The following NUP58 variants were observed in gnomAD, a reference collection of about 807,000 sequenced individuals.
NUP58 encodes the protein nucleoporin 58.
Under a neutral mutation model 70.1 loss-of-function variants are expected in NUP58, and 17 were observed. That is an observed-to-expected ratio of 0.24 (90% CI 0.17 to 0.36). The LOEUF is 0.36. Ranked by LOEUF, NUP58 falls within the 10% of genes least tolerant of loss-of-function variation. The pLI, the probability that NUP58 is intolerant of heterozygous loss-of-function variation, is 1.00. For synonymous variants in NUP58, 275 were observed against 257.6 expected (o/e 1.07, Z -0.65); for missense variants, 644 against 701.5 (o/e 0.92, Z 0.93).
At chr13:25,323,380 A>T (rs1165830089) in intron 9 of NUP58, among the ~76,000 whole-genome samples, 3 of 100,336 alleles carry the variant, frequency 3.0e-5, no homozygotes, top group Admixed American at 1.3e-4. Context: ...AAATTAAATT[A>T]AAAAAAAAAA....
At chr13:25,308,634 G>GT (rs1360015069) in intron 2 of NUP58, among the ~76,000 whole-genome samples, 5 of 152,096 alleles carry the variant, frequency 3.3e-5, no homozygotes, top group Non-Finnish European at 7.4e-5. Context: ...CCTAAGAGAT[G>GT]TTTTACATTT....
At chr13:25,343,198 A>G (rs2031999229), downstream of NUP58, among the ~76,000 whole-genome samples, 2 of 151,848 alleles carry the variant, frequency 1.3e-5, no homozygotes, top group Admixed American at 6.6e-5. Flanking sequence ...TTAAGTTCCC[A>G]TAGTCCATTG....
downstream of NUP58, among the ~76,000 whole-genome samples, chr13:25,346,453 C>T (rs190125096): frequency 5.8e-3 from 878 of 152,264 alleles, 8 homozygotes; most frequent in African/African-American, 0.02. Flanking sequence ...AGGCGTGGTG[C>T]TCATGCCTGT....
downstream of NUP58, among the ~76,000 whole-genome samples, chr13:25,344,048 A>G (rs1322832168): frequency 6.6e-6 from 1 of 152,026 alleles, no homozygotes; most frequent in East Asian, 1.9e-4. Flanking sequence ...TCCATTTCCT[A>G]GTATTCTTTG....
chr13:25,321,772 C>A (rs2031196422), intron 9 of NUP58, among the ~76,000 whole-genome samples: 1 of 152,022 alleles, frequency 6.6e-6, no homozygotes, highest in Admixed American at 6.6e-5. Flanking sequence ...CAATAATTAG[C>A]CAGGCGTGGT....
intron 9 of NUP58, among the ~76,000 whole-genome samples, chr13:25,321,361 T>C (rs754147813): frequency 3.3e-5 from 5 of 152,144 alleles, no homozygotes; most frequent in Admixed American, 2.6e-4. Flanking sequence ...ATCCCCATTA[T>C]ATAAATAAGA....
chr13:25,331,736 G>A (rs954627306), intron 13 of NUP58, 178 bp downstream of exon 13: 11 of 1,422,994 alleles, frequency 7.7e-6, no homozygotes, highest in Admixed American at 5.8e-5. Flanking sequence ...AGGCAGGGTA[G>A]TCTTAGCAAT....
downstream of NUP58, among the ~76,000 whole-genome samples, chr13:25,346,719 T>TA (rs897278773): frequency 0.039 from 5,015 of 128,808 alleles, 249 homozygotes; most frequent in African/African-American, 0.13. Context: ...AAACTCCATC[T>TA]AAAAAAAAAA....
downstream of NUP58, among the ~76,000 whole-genome samples, chr13:25,343,114 C>T (rs985679033): frequency 6.6e-6 from 1 of 151,456 alleles, no homozygotes; most frequent in Admixed American, 6.6e-5. Context: ...TTTGGTACAC[C>T]CATCACCTGA....
rs894031369 is a variant in NUP58 at position 25,309,304 on chromosome 13, T to G, written c.286+22T>G. 8 of 1,577,346 alleles carry G rather than the reference T, an allele frequency of 5.1e-6. No homozygotes were observed. The African/African-American group carries it at 6.7e-5, about 13-fold the overall frequency. ...CTGGGTAAGAATTTTTGAGGAAAGA[T>G]CCCAGCTCTGTGGTCTTCTAATAAT... On this transcript the variant is annotated intron_variant, in intron 3 of 15. Transcript: ENST00000381736.
chr13:25,315,538 C>T, intron 6 of NUP58, 71 bp downstream of exon 6: 5 of 1,038,440 alleles, frequency 4.8e-6, no homozygotes, highest in South Asian at 1.4e-5. Context: ...CTCAAAATTC[C>T]TTTGTGTGGA....
intron 1 of NUP58, among the ~76,000 whole-genome samples, chr13:25,303,839 G>A (rs1487243610): frequency 6.6e-6 from 1 of 152,156 alleles, no homozygotes; most frequent in Admixed American, 6.5e-5. Context: ...GCCTGGCATA[G>A]AAAAAGGGCT....
At chr13:25,334,069 G>C (rs915466334) in intron 13 of NUP58, 1 of 985,016 alleles carries the variant, frequency 1.0e-6, no homozygotes, top group Non-Finnish European at 1.2e-6. Context: ...AAGTATACTA[G>C]GGCTTAGGCA....
At chr13:25,335,292 C>A in intron 13 of NUP58, 2 of 985,060 alleles carry the variant, frequency 2.0e-6, no homozygotes, top group Non-Finnish European at 2.4e-6. Context: ...AACAACAGAC[C>A]CACACACAAC....
intron 2 of NUP58, 146 bp downstream of exon 2, chr13:25,308,094 T>C (rs759065719): frequency 2.3e-6 from 2 of 879,610 alleles, no homozygotes; most frequent in Non-Finnish European, 3.3e-6. Flanking sequence ...ATGCAAGGAA[T>C]TGGAATTAAG....
At chr13:25,314,746 G>C (rs73470434) in intron 5 of NUP58, among the ~76,000 whole-genome samples, 1 of 152,110 alleles carries the variant, frequency 6.6e-6, no homozygotes, top group Non-Finnish European at 1.5e-5. Flanking sequence ...AACACAAGAT[G>C]CTTGAAATTT....
chr13:25,317,129 A>G (rs1401709325), intron 6 of NUP58, among the ~76,000 whole-genome samples: 2 of 152,104 alleles, frequency 1.3e-5, no homozygotes, highest in Admixed American at 1.3e-4. Context: ...GATAGAGAGT[A>G]GCAATAAACA....
chr13:25,345,584 T>TGG (rs58929945), downstream of NUP58, among the ~76,000 whole-genome samples: 3 of 147,686 alleles, frequency 2.0e-5, no homozygotes, highest in African/African-American at 7.6e-5. Flanking sequence ...ATGGGGGCGG[T>TGG]GGGGGGGGGT....
At chr13:25,327,976 G>A (rs944026808) in intron 12 of NUP58, among the ~76,000 whole-genome samples, 4 of 151,994 alleles carry the variant, frequency 2.6e-5, no homozygotes, top group Non-Finnish European at 4.4e-5. Context: ...CGAGGCGGGC[G>A]AATCACAAAG....
Sources: gnomAD v4.1 joint callset for allele counts (sites outside exome capture counted in the v4.1 genomes callset) on GRCh38, gnomAD v4.1.1 for gene constraint, MANE v1.5 for transcripts, NCBI Gene and HGNC (gene_info 2026-07-23, HGNC 2026-07-21) for gene names.